Variants in INTS6 observed in about 807,000 individuals in gnomAD.
INTS6 encodes integrator complex subunit 6, also known as DEAD box protein.
Under a neutral mutation model 104.9 loss-of-function variants are expected in INTS6, and 16 were observed. The observed-to-expected ratio is 0.15, with a 90% CI of 0.10 to 0.23. The LOEUF is 0.23. Among genes scored for constraint, INTS6 ranks in the 10% least tolerant of loss-of-function variants. INTS6 has a pLI of 1.00. For synonymous variants in INTS6, 324 were observed against 358.7 expected, an observed-to-expected ratio of 0.90 and a Z score of 1.09; for missense variants, 584 against 1,062.8, an observed-to-expected ratio of 0.55 and a Z score of 6.26.
chr13:51,440,047 G>C (rs1339612920), intron 3 of INTS6: 1 of 152,396 alleles, frequency 6.6e-6, no homozygotes, highest in Non-Finnish European at 1.5e-5. Flanking sequence ...GAGGTCAGGA[G>C]AGCATGATGG....
intron 9 of INTS6, among the ~76,000 whole-genome samples, chr13:51,382,992 A>T (rs1163071195): frequency 6.6e-6 from 1 of 151,486 alleles, no homozygotes; most frequent in East Asian, 1.9e-4. Flanking sequence ...GAGGCAGGAG[A>T]ATCGCTTGAA....
downstream of INTS6, among the ~76,000 whole-genome samples, chr13:51,358,801 T>C (rs759627488): frequency 6.6e-6 from 1 of 152,024 alleles, no homozygotes; most frequent in African/African-American, 2.4e-5. Flanking sequence ...AGGAAGAGTA[T>C]CACCCCTTTG....
chr13:51,392,868 G>T (rs1456496331), intron 5 of INTS6, among the ~76,000 whole-genome samples: 1 of 151,702 alleles, frequency 6.6e-6, no homozygotes, highest in African/African-American at 2.4e-5. Context: ...CAGTTATTTG[G>T]CATAGAGTGG....
At chr13:51,390,882 C>A (rs1404187049) in intron 5 of INTS6, among the ~76,000 whole-genome samples, 3 of 152,008 alleles carry the variant, frequency 2.0e-5, no homozygotes, top group Non-Finnish European at 4.4e-5. Flanking sequence ...TTAATCTCAG[C>A]AACAATTGTA....
At chr13:51,382,238 C>T in intron 9 of INTS6, 115 bp from the exon 10 acceptor site, 1 of 514,300 alleles carries the variant, frequency 1.9e-6, no homozygotes, top group Non-Finnish European at 3.4e-6. Context: ...AGAGTAACAT[C>T]AGACGTTTTT....
chr13:51,416,173 A>G (rs1375501459), intron 4 of INTS6, among the ~76,000 whole-genome samples: 1 of 152,232 alleles, frequency 6.6e-6, no homozygotes, highest in African/African-American at 2.4e-5. Context: ...GATAACAGAA[A>G]TGATCTCTAA....
chr13:51,447,329 T>C (rs912309940), intron 3 of INTS6: 2 of 152,094 alleles, frequency 1.3e-5, no homozygotes, highest in Non-Finnish European at 2.9e-5. Flanking sequence ...GGGTACTATT[T>C]AGGTAAAGGG....
chr13:51,452,091 G>A lies in INTS6; in HGVS notation c.112-36C>T, dbSNP rs1953069427. 6.3e-7 allele frequency: 1 copy of A among 1,592,456 alleles called. No homozygotes were observed. Among genetic ancestry groups the A allele is most frequent in the Admixed American group, 1.7e-5 (1 of 59,768 alleles). On this transcript the variant is annotated intron_variant, in intron 1 of 17. Coordinates refer to ENST00000311234, the MANE Select transcript of INTS6 (RefSeq NM_012141.3). This position sits in a 1 kb window ranked among gnomAD's most constrained non-coding sequence, Gnocchi z 4.2. ...GGAGGAGGAACAGGGCGGGCGACAG[G>A]GAAGCACAGAGGCGAGGTTACGAGG...
At chr13:51,408,549 T>C (rs1369555645) in intron 4 of INTS6, among the ~76,000 whole-genome samples, 3 of 152,180 alleles carry the variant, frequency 2.0e-5, no homozygotes, top group African/African-American at 7.2e-5. Context: ...AGCCATTATT[T>C]TTCCAGGTAA....
chr13:51,395,220 G>T, intron 5 of INTS6, 80 bp downstream of exon 5: 5 of 1,327,708 alleles, frequency 3.8e-6, no homozygotes, highest in Non-Finnish European at 5.1e-6. Flanking sequence ...AACAAACATG[G>T]AGCTTTTGAA....
chr13:51,425,545 T>C, intron 4 of INTS6, among the ~76,000 whole-genome samples: 1 of 152,076 alleles, frequency 6.6e-6, no homozygotes, highest in South Asian at 2.1e-4. Flanking sequence ...CTATTAGCAC[T>C]TTCAAGGAAG....
intron 17 of INTS6, among the ~76,000 whole-genome samples, chr13:51,367,034 T>C (rs1955706166): frequency 6.6e-6 from 1 of 152,000 alleles, no homozygotes; most frequent in Non-Finnish European, 1.5e-5. Context: ...TCGGTATGGA[T>C]GGGGGATTTA....
the INTS6 span, among the ~76,000 whole-genome samples, chr13:51,334,872 A>AT: frequency 6.7e-6 from 1 of 149,480 alleles, no homozygotes; most frequent in Non-Finnish European, 1.5e-5. Context: ...AATCCCAGCT[A>AT]TTTGGGAGGC....
At chr13:51,450,776 T>C (rs1953024708) in intron 3 of INTS6, 2 of 1,115,990 alleles carry the variant, frequency 1.8e-6, no homozygotes, top group Non-Finnish European at 2.2e-6. Flanking sequence ...TTAAAACCAA[T>C]GTATGTCAAC....
At chr13:51,420,518 G>A (rs1956877689) in intron 4 of INTS6, among the ~76,000 whole-genome samples, 1 of 151,878 alleles carries the variant, frequency 6.6e-6, no homozygotes, top group African/African-American at 2.4e-5. Context: ...TCTTTTTCTG[G>A]TGCTAAAAAT....
chr13:51,429,785 A>AAAAAATATATAT (rs1156333077), intron 4 of INTS6, among the ~76,000 whole-genome samples: 3 of 92,380 alleles, frequency 3.2e-5, no homozygotes, highest in African/African-American at 1.4e-4. Flanking sequence ...AAAAAAAAAA[A>AAAAAATATATAT]ATATATATAT....
At chr13:51,380,680 A>G (rs567853955) in intron 10 of INTS6, among the ~76,000 whole-genome samples, 38 of 152,336 alleles carry the variant, frequency 2.5e-4, no homozygotes, top group Non-Finnish European at 5.0e-4. Flanking sequence ...GCCAAATGCT[A>G]TAATATTCCT....
chr13:51,423,683 C>A (rs1285958917), intron 4 of INTS6, among the ~76,000 whole-genome samples: 2 of 151,992 alleles, frequency 1.3e-5, no homozygotes, highest in Non-Finnish European at 2.9e-5. Flanking sequence ...AAGGCCAGTT[C>A]CATATCCCTT....
chr13:51,436,343 T>C (rs1253284816), intron 3 of INTS6: 1 of 152,180 alleles, frequency 6.6e-6, no homozygotes, highest in Non-Finnish European at 1.5e-5. Flanking sequence ...CATTAAGGTC[T>C]ACAGCTACAG....
Sources: allele counts gnomAD v4.1 joint callset (sites outside exome capture counted in the v4.1 genomes callset), GRCh38; gene constraint gnomAD v4.1.1; non-coding constraint Gnocchi (gnomAD v3.1); transcripts MANE v1.5; gene names NCBI Gene and HGNC (gene_info 2026-07-23, HGNC 2026-07-21).